The following STAT2 variants were observed in gnomAD, a reference collection of about 807,000 sequenced individuals.
STAT2 encodes the protein signal transducer and activator of transcription 2, also known as interferon alpha induced transcriptional activator.
A neutral mutation model predicts 122.3 loss-of-function variants in STAT2; 51 were observed. The observed-to-expected ratio is 0.42, with a 90% CI of 0.33 to 0.53. The LOEUF (loss-of-function observed/expected upper bound fraction) is 0.53, where lower values mean the gene tolerates loss of function less well. Ranked by LOEUF, STAT2 falls within the 20% of genes least tolerant of loss-of-function variation. The pLI is 0.10. For missense variants in STAT2, 736 were observed against 1,010.3 expected (o/e 0.73, Z 3.68); for synonymous variants, 351 against 394.9 (o/e 0.89, Z 1.32).
intron 19 of STAT2, 100 bp downstream of exon 19, chr12:56,348,429 T>TA: frequency 8.0e-7 from 1 of 1,251,750 alleles, no homozygotes. Flanking sequence ...CCTGCACCTG[T>TA]CTTTGCTCTC....
chr12:56,354,016 A>AAAAAAAAAT lies in STAT2; in HGVS notation c.782+449_782+450insATTTTTTTT, dbSNP rs71081350. ...GTCTCAAAAAAAAAAAAAAAAAAAA[A>AAAAAAAAAT]ATATATATATATATATATATATATA... On this transcript the variant is annotated intron_variant, in intron 8 of 23. Coordinates refer to ENST00000314128, the MANE Select transcript of STAT2 (RefSeq NM_005419.4). Among the ~76,000 whole-genome samples, 66 of 16,682 alleles carry AAAAAAAAAT rather than the reference A, an allele frequency of 4.0e-3. 2 individuals carry two copies. Among genetic ancestry groups the AAAAAAAAAT allele is most frequent in the African/African-American group, 7.1e-3 (65 of 9,180 alleles). 10.9% of individuals were successfully genotyped at this position (16,682 alleles called of 152,430 possible). A position where few individuals can be genotyped will look rare whatever the true frequency, so the allele number is the denominator to read the frequency against.
intron 1 of STAT2, among the ~76,000 whole-genome samples, chr12:56,357,645 G>C (rs573866783): frequency 6.6e-6 from 1 of 151,778 alleles, no homozygotes; most frequent in Non-Finnish European, 1.5e-5. Flanking sequence ...GTGCCCAGCC[G>C]GCCCCAACCT....
intron 8 of STAT2, among the ~76,000 whole-genome samples, chr12:56,354,251 T>A (rs1244082296): frequency 6.7e-6 from 1 of 150,226 alleles, no homozygotes; most frequent in Non-Finnish European, 1.5e-5. Context: ...AACCAGATTG[T>A]GGGTTAATTC....
chr12:56,350,550 G>A, intron 11 of STAT2, 118 bp from the exon 12 acceptor site: 1 of 918,198 alleles, frequency 1.1e-6, no homozygotes, highest in Non-Finnish European at 1.6e-6. Context: ...TAGCTATGTG[G>A]CCTTGAGAAG....
At chr12:56,346,012 T>C (rs961595354) in intron 22 of STAT2, 134 bp downstream of exon 22, 19 of 1,576,616 alleles carry the variant, frequency 1.2e-5, no homozygotes, top group Non-Finnish European at 1.4e-5. Flanking sequence ...GGAGAGGCTG[T>C]GGGAATGGCA....
At chr12:56,356,934 C>A (rs1256526195) in intron 1 of STAT2, among the ~76,000 whole-genome samples, 1 of 150,550 alleles carries the variant, frequency 6.6e-6, no homozygotes, top group Non-Finnish European at 1.5e-5. Context: ...GGTCCAAAAT[C>A]TAACTTTTTG....
intron 22 of STAT2, among the ~76,000 whole-genome samples, chr12:56,345,524 A>AAAAAAATATATATATAT (rs1555169410): frequency 3.8e-5 from 1 of 26,250 alleles, no homozygotes; most frequent in African/African-American, 5.3e-4. Context: ...AAAAAAAAAA[A>AAAAAAATATATATATAT]ATATATATAT....
chr12:56,345,524 A>AAAAAATAT (rs1555169410), intron 22 of STAT2, among the ~76,000 whole-genome samples: 2 of 26,250 alleles, frequency 7.6e-5, no homozygotes, highest in Non-Finnish European at 1.1e-4. Flanking sequence ...AAAAAAAAAA[A>AAAAAATAT]ATATATATAT....
intron 12 of STAT2, 94 bp from the exon 13 acceptor site, chr12:56,350,284 T>G: frequency 7.0e-7 from 1 of 1,429,008 alleles, no homozygotes; most frequent in Non-Finnish European, 9.7e-7. Context: ...TCATTTCAGA[T>G]CTCGCCATCT....
chr12:56,356,977 C>G (rs1879599008), intron 1 of STAT2, among the ~76,000 whole-genome samples: 1 of 149,726 alleles, frequency 6.7e-6, no homozygotes, highest in South Asian at 2.1e-4. Context: ...GAAATGCTCA[C>G]TGGAGCATTT....
At chr12:56,348,722 C>CCAG in intron 18 of STAT2, 30 bp downstream of exon 18, 1 of 1,613,922 alleles carries the variant, frequency 6.2e-7, no homozygotes, top group Non-Finnish European at 8.5e-7. Flanking sequence ...TGGGCTAGAT[C>CCAG]CAGCAGCTCC....
Position 56,360,096 on chromosome 12 carries a change from T to A in STAT2, c.-46A>T. The A allele has an allele frequency of 8.1e-6, 8 of 985,414 alleles. No individual in the cohort carries two copies. The highest frequency in any genetic ancestry group is 9.6e-6 in the Non-Finnish European group (8 of 829,968). The allele number at this position is 985,414 out of a possible 1,614,324, so 61.0% of individuals were successfully genotyped here. ...CAGTCCCCGCGCCCTCCAATGGCTC[T>A]GGTCGCGACTTCCCGTCCCTAGTAT... On this transcript the variant is annotated 5_prime_UTR_variant, in exon 1 of 24. Transcript: ENST00000314128.
chr12:56,358,938 G>A (rs972528114), intron 1 of STAT2, among the ~76,000 whole-genome samples: 1 of 152,164 alleles, frequency 6.6e-6, no homozygotes, highest in Non-Finnish European at 1.5e-5. Flanking sequence ...CAAGCAGGCT[G>A]TCCCATGCAT....
intron 22 of STAT2, among the ~76,000 whole-genome samples, chr12:56,344,924 CT>C (rs1877122622): frequency 6.6e-6 from 1 of 152,044 alleles, no homozygotes; most frequent in Non-Finnish European, 1.5e-5. Context: ...AGGAGAATTG[CT>C]TGAGCCTGGG....
rs1876846507 is a variant in STAT2, at chr12:56,343,331, C to T, written c.*58G>A. The T allele has an allele frequency of 6.4e-7, 1 of 1,574,714 alleles. No homozygotes were observed. On this transcript the variant is annotated 3_prime_UTR_variant, in exon 24 of 24. Transcript: ENST00000314128. The stretch of plus-strand genomic sequence containing the variant: ...GATTCCCATCCTTGGAGAACAATAT[C>T]ATGCTATGAGGAGTAGGAAGGGCAA...
rs1428253154 is a variant in STAT2 at position 56,343,989 on chromosome 12, T to C, written c.2249A>G (p.Glu750Gly). 6.2e-7 allele frequency: 1 copy of C among 1,614,046 alleles called. No homozygotes were observed. The highest frequency in any genetic ancestry group is 2.2e-5 in the East Asian group (1 of 44,894). Reference sequence around the variant, plus strand: ...AGTGGACTCCAGCACAGACTCTAGCTCTGGCCCCAGATCCAGCCCTGCCTT... The same window carrying C: ...AGTGGACTCCAGCACAGACTCTAGCCCTGGCCCCAGATCCAGCCCTGCCTT... ...LLKAGLDLGP[E>G]LESVLESTLE... is the part of the protein sequence containing the mutation. The change falls in exon 23 of 24, where the codon GAG becomes GGG. Residue 750 changes from glutamate (E) to glycine (G), a missense_variant. Coordinates refer to ENST00000314128, the MANE Select transcript of STAT2 (RefSeq NM_005419.4).
chr12:56,353,566 T>C (rs1175938999), intron 8 of STAT2, among the ~76,000 whole-genome samples: 1 of 152,132 alleles, frequency 6.6e-6, no homozygotes, highest in African/African-American at 2.4e-5. Context: ...CCATAAAATA[T>C]AGCGTTTCCT....
chr12:56,356,607 T>G (rs974192429), intron 1 of STAT2, 29 bp from the exon 2 acceptor site: 12 of 1,610,768 alleles, frequency 7.4e-6, no homozygotes, highest in Non-Finnish European at 1.0e-5. Flanking sequence ...GGTTCCCAAT[T>G]GGATATTTTG....
At chr12:56,354,429 G>A (rs375839296) in intron 8 of STAT2, 37 bp downstream of exon 8, 38 of 1,613,252 alleles carry the variant, frequency 2.4e-5, no homozygotes, top group African/African-American at 1.7e-4. Context: ...AAATCACAGC[G>A]CATGGCGAGG....
Sources: allele counts gnomAD v4.1 joint callset (sites outside exome capture counted in the v4.1 genomes callset), GRCh38; gene constraint gnomAD v4.1.1; transcripts MANE v1.5; gene names NCBI Gene and HGNC (gene_info 2026-07-23, HGNC 2026-07-21).